The following PDPK1 variants were observed in gnomAD, a reference collection of about 807,000 sequenced individuals.
PDPK1 encodes the protein 3-phosphoinositide dependent protein kinase 1, also known as 3-phosphoinositide-dependent protein kinase 1.
A neutral mutation model predicts 39.8 loss-of-function variants in PDPK1; 7 were observed. The ratio of observed to expected loss-of-function variants is 0.18; its 90% CI spans 0.10 to 0.33. PDPK1 has a LOEUF of 0.33. PDPK1 is among the 10% of genes least tolerant of loss of function. PDPK1 has a pLI of 1.00. For synonymous variants in PDPK1, 118 were observed against 159.1 expected (o/e 0.74, Z 1.95); for missense variants, 182 against 384.7 (o/e 0.47, Z 4.41).
intron 10 of PDPK1, among the ~76,000 whole-genome samples, chr16:2,585,407 A>G (rs190744275): frequency 6.6e-6 from 1 of 152,264 alleles, no homozygotes; most frequent in African/African-American, 2.4e-5. Context: ...GCATGGAAGG[A>G]GACTTCAGGG....
chr16:2,589,696 G>GAAAAA lies in PDPK1; in HGVS notation c.1343+2817_1343+2821dup, dbSNP rs530064221. ...AGAGTGAGACCCTGTCTCAAAATTG[G>GAAAAA]AAAAAAAAAAAAAAAAAAGGTAAAA... On this transcript the variant is annotated intron_variant, in intron 11 of 13. Coordinates refer to ENST00000342085, the MANE Select transcript of PDPK1 (RefSeq NM_002613.5). 4.0e-5 allele frequency among the ~76,000 whole-genome samples: 3 copies of GAAAAA among 74,628 alleles called. No individual in the cohort carries two copies. In the Admixed American group the frequency reaches 4.5e-4, roughly 11 times the overall value. The allele number at this position is 74,628 out of a possible 152,430, so 49.0% of individuals were successfully genotyped here. A position where few individuals can be genotyped will look rare whatever the true frequency, so the allele number is the denominator to read the frequency against.
intron 1 of PDPK1, among the ~76,000 whole-genome samples, chr16:2,545,350 G>C (rs1386560323): frequency 6.7e-6 from 1 of 148,588 alleles, no homozygotes; most frequent in Non-Finnish European, 1.5e-5. Flanking sequence ...TTTTTTTTTA[G>C]AGACAGAGTT....
chr16:2,585,842 G>A (rs1004831102), intron 10 of PDPK1, among the ~76,000 whole-genome samples: 4 of 152,256 alleles, frequency 2.6e-5, no homozygotes, highest in Non-Finnish European at 4.4e-5. Context: ...GCAGCAGCCA[G>A]GGCCTGCGTC....
intron 2 of PDPK1, among the ~76,000 whole-genome samples, chr16:2,560,145 T>TC (rs1227153247): frequency 6.6e-6 from 1 of 151,694 alleles, no homozygotes; most frequent in Non-Finnish European, 1.5e-5. Context: ...GATCCTTCCT[T>TC]CTTGTAGGAA....
At chr16:2,558,011 G>A (rs779642864) in intron 2 of PDPK1, 48 bp downstream of exon 2, 34 of 1,600,808 alleles carry the variant, frequency 2.1e-5, no homozygotes, top group Middle Eastern at 1.7e-4. Flanking sequence ...ATTTCCTTGG[G>A]GAGGCTCACC....
chr16:2,595,356 G>A (rs566267460), intron 11 of PDPK1, among the ~76,000 whole-genome samples: 95 of 152,322 alleles, frequency 6.2e-4, no homozygotes, highest in Non-Finnish European at 8.2e-4. Flanking sequence ...TGAATCAGGG[G>A]CCCCAGCTTG....
chr16:2,543,791 G>C (rs1011036238), intron 1 of PDPK1, among the ~76,000 whole-genome samples: 2 of 152,136 alleles, frequency 1.3e-5, no homozygotes, highest in African/African-American at 4.8e-5. Context: ...GCACGATCTC[G>C]GCTCACCGCA....
At chr16:2,539,555 C>G (rs1417633225) in intron 1 of PDPK1, 1 of 152,130 alleles carries the variant, frequency 6.6e-6, no homozygotes, top group Non-Finnish European at 1.5e-5. Flanking sequence ...GCAGCTCACT[C>G]GTGGACTTTG....
At chr16:2,552,488 G>T (rs1429285398) in intron 1 of PDPK1, among the ~76,000 whole-genome samples, 1 of 151,336 alleles carries the variant, frequency 6.6e-6, no homozygotes. Flanking sequence ...GGCTGGGGCT[G>T]GCTGAAACCT....
In PDPK1 at chr16:2,599,945, A is replaced by G. The variant is rs2067183209; in HGVS notation, c.*2178A>G. The G allele has an allele frequency of 8.6e-6, 2 of 233,334 alleles. No homozygotes were observed. Among genetic ancestry groups the G allele is most frequent in the Non-Finnish European group, 8.5e-6 (1 of 118,060 alleles). The allele number at this position is 233,334 out of a possible 1,614,324, so 14.5% of individuals were successfully genotyped here. A position where few individuals can be genotyped will look rare whatever the true frequency, so the allele number is the denominator to read the frequency against. ...AAGCTCCATCTTAACCTCCAAAGCCACAGAACTAGGGGCTCAGAGCCAGAG... is the reference window on the plus strand; with the variant it reads ...AAGCTCCATCTTAACCTCCAAAGCCGCAGAACTAGGGGCTCAGAGCCAGAG... On this transcript the variant is annotated 3_prime_UTR_variant, in exon 14 of 14. Transcript: ENST00000342085.
intron 1 of PDPK1, among the ~76,000 whole-genome samples, chr16:2,552,353 T>C (rs2066430696): frequency 6.6e-6 from 1 of 151,222 alleles, no homozygotes; most frequent in Non-Finnish European, 1.5e-5. Flanking sequence ...AGTTCTTATA[T>C]ACATATTTTA....
intron 11 of PDPK1, chr16:2,592,826 C>G (rs1159391597): frequency 8.8e-6 from 4 of 456,468 alleles, no homozygotes; most frequent in African/African-American, 2.0e-5. Flanking sequence ...GCACCCTGGG[C>G]CACCGGGGAG....
In PDPK1 at chr16:2,598,980, G is replaced by C; in HGVS notation, c.*1213G>C. The C allele has an allele frequency of 4.3e-6, 1 of 233,354 alleles. No homozygotes were observed. Among genetic ancestry groups the C allele is most frequent in the East Asian group, 6.0e-5 (1 of 16,596 alleles). The allele number at this position is 233,354 out of a possible 1,614,324, so 14.5% of individuals were successfully genotyped here. A position where few individuals can be genotyped will look rare whatever the true frequency, so the allele number is the denominator to read the frequency against. On this transcript the variant is annotated 3_prime_UTR_variant, in exon 14 of 14. Transcript: ENST00000342085. ...GGCTTTGCCAGTTGCTGTTGCACAG[G>C]AGGCGAGAACAGCACACTTCAACCC...
At chr16:2,594,987 G>A (rs2067071410) in intron 11 of PDPK1, among the ~76,000 whole-genome samples, 1 of 152,232 alleles carries the variant, frequency 6.6e-6, no homozygotes. Flanking sequence ...GCTGGGCATG[G>A]TGGTGTATGC....
chr16:2,540,691 C>T (rs541503216), intron 1 of PDPK1, among the ~76,000 whole-genome samples: 7 of 152,134 alleles, frequency 4.6e-5, no homozygotes, highest in African/African-American at 7.2e-5. Flanking sequence ...TCTGTGACCC[C>T]GGGGCCTGTT....
chr16:2,584,733 A>G (rs866930462), intron 10 of PDPK1, among the ~76,000 whole-genome samples: 59 of 148,612 alleles, frequency 4.0e-4, no homozygotes, highest in Middle Eastern at 3.4e-3. Flanking sequence ...AAGTTTCCCA[A>G]CGCCCCTACC....
At chr16:2,546,187 G>A (rs767263980) in intron 1 of PDPK1, among the ~76,000 whole-genome samples, 5 of 151,734 alleles carry the variant, frequency 3.3e-5, no homozygotes, top group Non-Finnish European at 5.9e-5. Flanking sequence ...GGGTTCAAGC[G>A]ATTCTCCTGC....
intron 1 of PDPK1, among the ~76,000 whole-genome samples, chr16:2,551,625 G>A (rs2066410310): frequency 6.6e-6 from 1 of 151,074 alleles, no homozygotes; most frequent in African/African-American, 2.4e-5. Context: ...CTGCGTGACA[G>A]CATCTTGACC....
chr16:2,586,566 G>C (rs2066879565), intron 10 of PDPK1, 110 bp from the exon 11 acceptor site: 1 of 885,286 alleles, frequency 1.1e-6, no homozygotes. Flanking sequence ...CTTGCGCCTT[G>C]CTGTGTGCGA....
Sources: allele counts gnomAD v4.1 joint callset (sites outside exome capture counted in the v4.1 genomes callset), GRCh38; gene constraint gnomAD v4.1.1; transcripts MANE v1.5; gene names NCBI Gene and HGNC (gene_info 2026-07-23, HGNC 2026-07-21).